ADK: variants seen among roughly 807,000 people sequenced by gnomAD.
ADK encodes the protein N6,N6-dimethyladenosine kinase.
A neutral mutation model predicts 44.7 loss-of-function variants in ADK; 24 were observed. The observed-to-expected ratio is 0.54, with a 90% CI of 0.39 to 0.76. The LOEUF (loss-of-function observed/expected upper bound fraction) is 0.76, where lower values mean the gene tolerates loss of function less well. Ranked by LOEUF, ADK falls within the 30% of genes least tolerant of loss-of-function variation. ADK has a pLI of 0.00. For missense variants in ADK, 321 were observed against 425.1 expected (o/e 0.76, Z 2.15); for synonymous variants, 128 against 142.6 (o/e 0.90, Z 0.73).
At chr10:74,670,461 G>A (rs1020122887) in intron 10 of ADK, among the ~76,000 whole-genome samples, 192 bp downstream of exon 10, 5 of 152,138 alleles carry the variant, frequency 3.3e-5, no homozygotes, top group African/African-American at 7.2e-5. Context: ...ATATGTGTTT[G>A]GAAAAGATAA....
At chr10:74,463,058 G>A (rs1036784667) in intron 6 of ADK, among the ~76,000 whole-genome samples, 5 of 152,066 alleles carry the variant, frequency 3.3e-5, no homozygotes, top group African/African-American at 1.2e-4. Flanking sequence ...TTGAGAAATT[G>A]CTATCTAATA....
At chr10:74,377,283 C>T (rs779088851) in intron 4 of ADK, among the ~76,000 whole-genome samples, 1 of 152,126 alleles carries the variant, frequency 6.6e-6, no homozygotes, top group Non-Finnish European at 1.5e-5. Flanking sequence ...AACCTGTAGG[C>T]TGGGAAGCAC....
chr10:74,353,927 T>A (rs1842051055), intron 4 of ADK, among the ~76,000 whole-genome samples: 1 of 152,178 alleles, frequency 6.6e-6, no homozygotes. Flanking sequence ...AGAATTTAAA[T>A]CATCCTTTCT....
intron 10 of ADK, among the ~76,000 whole-genome samples, chr10:74,697,771 C>G (rs1856260940): frequency 6.6e-6 from 1 of 152,150 alleles, no homozygotes. Context: ...GATGCTATAG[C>G]TCTTCTATAG....
At chr10:74,239,222 A>AG (rs1388910000) in intron 3 of ADK, among the ~76,000 whole-genome samples, 1 of 151,530 alleles carries the variant, frequency 6.6e-6, no homozygotes, top group Non-Finnish European at 1.5e-5. Flanking sequence ...TTTTAGATTC[A>AG]GTTATAATCG....
chr10:74,670,759 G>A lies in ADK; in HGVS notation c.964+490G>A, dbSNP rs1349427526. 2.0e-5 allele frequency among the ~76,000 whole-genome samples: 3 copies of A among 151,932 alleles called. No homozygotes were observed. The East Asian group carries it at 5.8e-4, about 29-fold the overall frequency. On this transcript the variant is annotated intron_variant, in intron 10 of 10. Coordinates refer to ENST00000539909, the MANE Select transcript of ADK (RefSeq NM_006721.4). Reference sequence around the variant, plus strand: ...AGGGTTAAATTTTTGCCTATTTTTGGCTCAATAAGAACTGGCAAATTTTAT... The same window carrying A: ...AGGGTTAAATTTTTGCCTATTTTTGACTCAATAAGAACTGGCAAATTTTAT...
At chr10:74,478,855 T>C (rs996545742) in intron 6 of ADK, among the ~76,000 whole-genome samples, 2 of 152,216 alleles carry the variant, frequency 1.3e-5, no homozygotes, top group Non-Finnish European at 2.9e-5. Context: ...TTTGATTGCT[T>C]ACAAAAGGAT....
At chr10:74,324,067 G>C (rs1047523849) in intron 4 of ADK, among the ~76,000 whole-genome samples, 70 of 151,928 alleles carry the variant, frequency 4.6e-4, no homozygotes. Context: ...CTGTCTTCGA[G>C]GCTGGAGTGC....
intron 9 of ADK, among the ~76,000 whole-genome samples, chr10:74,666,517 T>TA (rs1481605029): frequency 6.6e-6 from 1 of 152,172 alleles, no homozygotes; most frequent in Non-Finnish European, 1.5e-5. Context: ...AATTGAGAAA[T>TA]AAATGCTACG....
In ADK at chr10:74,200,930, C is replaced by T. The variant is rs1445905100; in HGVS notation, c.140+92C>T. ...TAGAAGTGAATTTACCACCGAATGT[C>T]TTCAATTAAAGGAAAACTCAGGAAA... On this transcript the variant is annotated intron_variant, in intron 2 of 10. Transcript: ENST00000539909. The T allele has an allele frequency of 8.0e-6, 7 of 877,322 alleles. No individual in the cohort carries two copies. The East Asian group carries it at 1.3e-4, about 16-fold the overall frequency. The allele number at this position is 877,322 out of a possible 1,614,324, so 54.3% of individuals were successfully genotyped here.
At chr10:74,170,650 A>G (rs1032878196) in intron 1 of ADK, among the ~76,000 whole-genome samples, 5 of 151,754 alleles carry the variant, frequency 3.3e-5, no homozygotes, top group African/African-American at 7.3e-5. Flanking sequence ...TACAAAAAAA[A>G]TTTGCCGGGC....
chr10:74,486,805 G>A (rs1004385675), intron 6 of ADK, among the ~76,000 whole-genome samples: 6 of 152,138 alleles, frequency 3.9e-5, no homozygotes, highest in African/African-American at 1.2e-4. Flanking sequence ...GACATAACAA[G>A]TATAATCCTG....
At chr10:74,474,563 C>G (rs1397826553) in intron 6 of ADK, among the ~76,000 whole-genome samples, 1 of 150,716 alleles carries the variant, frequency 6.6e-6, no homozygotes, top group Admixed American at 6.6e-5. Context: ...TCCCTCCCCT[C>G]CCCTCATTCT....
rs1251129199 is a variant in ADK, at chr10:74,151,379, C to A, written c.65+36C>A. ...CCGGACTTGGGGAGGAGGGTGACGG[C>A]GCTGCAAGCAAGCCAGGGCCCACGT... On this transcript the variant is annotated intron_variant, in intron 1 of 10. Transcript: ENST00000539909. The A allele has an allele frequency of 6.5e-6, 10 of 1,548,082 alleles. No homozygotes were observed. The South Asian group carries it at 1.1e-4, about 17-fold the overall frequency.
chr10:74,409,173 A>T (rs919028334), intron 6 of ADK, among the ~76,000 whole-genome samples: 2 of 152,180 alleles, frequency 1.3e-5, no homozygotes, highest in African/African-American at 4.8e-5. Flanking sequence ...TTACATTGTG[A>T]GTACAGTAGG....
intron 6 of ADK, among the ~76,000 whole-genome samples, chr10:74,399,612 A>G (rs1843641145): frequency 1.3e-5 from 2 of 151,844 alleles, no homozygotes; most frequent in Admixed American, 6.6e-5. Flanking sequence ...TAAATATTTT[A>G]CCCCTTTATT....
At chr10:74,561,850 A>G (rs1589249875) in intron 7 of ADK, among the ~76,000 whole-genome samples, 1 of 152,348 alleles carries the variant, frequency 6.6e-6, no homozygotes, top group South Asian at 2.1e-4. Flanking sequence ...GCTCAGGGAA[A>G]GCCTAAGCTC....
intron 6 of ADK, among the ~76,000 whole-genome samples, chr10:74,440,133 TTAG>T (rs1845347108): frequency 6.6e-6 from 1 of 152,112 alleles, no homozygotes; most frequent in African/African-American, 2.4e-5. Context: ...TCCTAGTGGC[TTAG>T]TATTGTTTAA....
At chr10:74,695,490 G>GTGTGTA (rs1277577646) in intron 10 of ADK, among the ~76,000 whole-genome samples, 1 of 151,410 alleles carries the variant, frequency 6.6e-6, no homozygotes, top group Non-Finnish European at 1.5e-5. Flanking sequence ...GTGTGTGTGT[G>GTGTGTA]TGTGTGTATG....
Sources: gnomAD v4.1 joint callset for allele counts (sites outside exome capture counted in the v4.1 genomes callset) on GRCh38, gnomAD v4.1.1 for gene constraint, MANE v1.5 for transcripts, NCBI Gene and HGNC (gene_info 2026-07-23, HGNC 2026-07-21) for gene names.